ARIH2: variants seen among roughly 807,000 people sequenced by gnomAD.
ARIH2 encodes the protein E3 ubiquitin-protein ligase ARIH2.
ARIH2 carries 12 observed loss-of-function variants against 79.8 expected under a neutral mutation model. That is an observed-to-expected ratio of 0.15 (90% CI 0.10 to 0.24). ARIH2 has a LOEUF of 0.24. ARIH2 is among the 10% of genes least tolerant of loss of function. The probability of loss-of-function intolerance (pLI) is 1.00; values close to 1 mark genes in which losing one functional copy is unlikely to be tolerated. For missense variants in ARIH2, 301 were observed against 618.3 expected (o/e 0.49, Z 5.44); for synonymous variants, 224 against 213.9 (o/e 1.05, Z -0.41).
intron 3 of ARIH2, among the ~76,000 whole-genome samples, chr3:48,957,116 A>G (rs2090684315): frequency 6.6e-6 from 1 of 152,140 alleles, no homozygotes; most frequent in South Asian, 2.1e-4. Context: ...CTCCCTTCAC[A>G]TTGTTTGTTC....
intron 8 of ARIH2, among the ~76,000 whole-genome samples, chr3:48,972,912 A>C (rs887265651): frequency 1.3e-5 from 2 of 152,042 alleles, no homozygotes; most frequent in Non-Finnish European, 2.9e-5. Flanking sequence ...ATGGGATCTC[A>C]CCATATTGCC....
chr3:48,969,160 A>G (rs1296014235), intron 7 of ARIH2, among the ~76,000 whole-genome samples: 4 of 149,510 alleles, frequency 2.7e-5, no homozygotes, highest in Non-Finnish European at 1.5e-5. Flanking sequence ...GGCGTGAGCC[A>G]CTGCACCCAG....
intron 3 of ARIH2, among the ~76,000 whole-genome samples, chr3:48,945,509 C>T (rs1329228928): frequency 6.6e-6 from 1 of 152,106 alleles, no homozygotes; most frequent in Non-Finnish European, 1.5e-5. Flanking sequence ...TCCTGGAACT[C>T]GCAAAACCTT....
Position 48,918,913 on chromosome 3 carries a change from C to A in ARIH2, c.-247C>A, listed in dbSNP as rs780557806. Reference sequence around the variant, plus strand: ...CGGCGTCGGCCCGCCGCCTCCGCTGCCGCTTCGCCCCAATCCGGTCCCTCT... The same window carrying A: ...CGGCGTCGGCCCGCCGCCTCCGCTGACGCTTCGCCCCAATCCGGTCCCTCT... On this transcript the variant is annotated 5_prime_UTR_variant, in exon 1 of 16. Transcript: ENST00000356401. 2.5e-6 allele frequency: 4 copies of A among 1,600,014 alleles called. No homozygotes were observed. The African/African-American group carries it at 4.0e-5, about 16-fold the overall frequency.
intron 1 of ARIH2, chr3:48,921,722 A>C (rs1449712521): frequency 6.6e-6 from 1 of 151,538 alleles, no homozygotes; most frequent in African/African-American, 2.4e-5. Context: ...TACTGGCATG[A>C]GCCACCACAC....
At position 48,931,503 on chromosome 3, in the gene ARIH2, C is replaced by T. The variant is rs575603440; in HGVS notation, c.255+3690C>T. Among the ~76,000 whole-genome samples the T allele has an allele frequency of 2.4e-3, 370 of 151,348 alleles. 3 individuals are homozygous for T. The highest frequency in any genetic ancestry group is 8.4e-3 in the African/African-American group (346 of 41,208). The stretch of plus-strand genomic sequence containing the variant: ...GGCAGAGGTTGCAGTGAGATGAGAT[C>T]GCACCACTGCACTCCAGCCTGGGCA... On this transcript the variant is annotated intron_variant, in intron 3 of 15. Transcript: ENST00000356401.
intron 1 of ARIH2, among the ~76,000 whole-genome samples, chr3:48,920,757 C>G (rs1424481963): frequency 1.4e-5 from 1 of 70,030 alleles, no homozygotes; most frequent in Non-Finnish European, 2.8e-5. Context: ...GTCAGGAGAT[C>G]GAGACCATCC....
chr3:48,941,265 T>C (rs1179729063), intron 3 of ARIH2, among the ~76,000 whole-genome samples: 3 of 151,584 alleles, frequency 2.0e-5, no homozygotes, highest in African/African-American at 7.3e-5. Flanking sequence ...GTGAAGAAAA[T>C]GCAATTCTGG....
chr3:48,947,871 T>G lies in ARIH2; in HGVS notation c.256-13741T>G, dbSNP rs2089408450. Among the ~76,000 whole-genome samples, 3 of 152,222 alleles carry G rather than the reference T, an allele frequency of 2.0e-5. 1 individual carries two copies. In the South Asian group the frequency reaches 6.2e-4, roughly 31 times the overall value. On this transcript the variant is annotated intron_variant, in intron 3 of 15. Transcript: ENST00000356401. Reference sequence around the variant, plus strand: ...ATTTGCTTCATCATTTATCTGTCCATCAGTCAACTCATTTTTGAAGCAGCT... The same window carrying G: ...ATTTGCTTCATCATTTATCTGTCCAGCAGTCAACTCATTTTTGAAGCAGCT...
intron 3 of ARIH2, among the ~76,000 whole-genome samples, chr3:48,949,952 ATTTTTC>A (rs2089741888): frequency 1.3e-5 from 2 of 151,026 alleles, no homozygotes; most frequent in South Asian, 4.2e-4. Flanking sequence ...TTTTTAAAAA[ATTTTTC>A]TTTTAAGGAT....
At chr3:48,934,453 A>T in intron 3 of ARIH2, 3 of 985,320 alleles carry the variant, frequency 3.0e-6, no homozygotes, top group Non-Finnish European at 3.6e-6. Flanking sequence ...TATTGTTGCT[A>T]CTACTCATGG....
intron 3 of ARIH2, among the ~76,000 whole-genome samples, chr3:48,937,843 C>G (rs776394445): frequency 6.6e-5 from 10 of 152,014 alleles, no homozygotes; most frequent in Non-Finnish European, 1.5e-4. Context: ...ATCAGGAGAT[C>G]AAGATCATCC....
chr3:48,947,900 T>C (rs2089413772), intron 3 of ARIH2, among the ~76,000 whole-genome samples: 2 of 152,214 alleles, frequency 1.3e-5, no homozygotes, highest in African/African-American at 4.8e-5. Context: ...AGCAGCTCTA[T>C]TAAAGTTTTA....
In ARIH2 at chr3:48,965,023, T is replaced by C. The variant is rs964675307; in HGVS notation, c.387+41T>C. On this transcript the variant is annotated intron_variant, in intron 5 of 15. Transcript: ENST00000356401. ...TTGAATGAGGCTTCTCCTAATTGCATGTGGTTCTTGCTTTGGCTTGCAGTG... is the reference window on the plus strand; with the variant it reads ...TTGAATGAGGCTTCTCCTAATTGCACGTGGTTCTTGCTTTGGCTTGCAGTG... 4 of 1,583,874 alleles carry C rather than the reference T, an allele frequency of 2.5e-6. No individual in the cohort carries two copies. The East Asian group carries it at 9.0e-5, about 36-fold the overall frequency.
intron 3 of ARIH2, chr3:48,943,439 A>C (rs558252725): frequency 2.7e-4 from 41 of 151,882 alleles, no homozygotes; most frequent in Admixed American, 2.5e-3. Flanking sequence ...GCACCTTCAT[A>C]CGCTCTTGTG....
chr3:48,954,072 A>G (rs2090304380), intron 3 of ARIH2, among the ~76,000 whole-genome samples: 1 of 152,020 alleles, frequency 6.6e-6, no homozygotes, highest in South Asian at 2.1e-4. Flanking sequence ...GAGACAGGAG[A>G]ATCGCTTGAA....
At chr3:48,965,573 G>T (rs910343212) in intron 5 of ARIH2, among the ~76,000 whole-genome samples, 3 of 152,126 alleles carry the variant, frequency 2.0e-5, no homozygotes, top group Non-Finnish European at 2.9e-5. Context: ...GTGTGTCTGA[G>T]ATTACTGCAT....
At chr3:48,939,168 A>T (rs2087651179) in intron 3 of ARIH2, among the ~76,000 whole-genome samples, 1 of 151,982 alleles carries the variant, frequency 6.6e-6, no homozygotes, top group South Asian at 2.1e-4. Context: ...GGGTTTCACC[A>T]TGTTGGCCAG....
At chr3:48,950,738 A>G (rs2089839058) in intron 3 of ARIH2, among the ~76,000 whole-genome samples, 1 of 152,182 alleles carries the variant, frequency 6.6e-6, no homozygotes, top group South Asian at 2.1e-4. Flanking sequence ...CTTAGAATGA[A>G]ACAAAGGATA....
Sources: allele counts gnomAD v4.1 joint callset (sites outside exome capture counted in the v4.1 genomes callset), GRCh38; gene constraint gnomAD v4.1.1; transcripts MANE v1.5; gene names NCBI Gene and HGNC (gene_info 2026-07-23, HGNC 2026-07-21).